The following CERS3 variants were observed in gnomAD, a reference collection of about 807,000 sequenced individuals.
The protein encoded by CERS3 is LAG1 homolog, ceramide synthase 3.
A neutral mutation model predicts 50.3 loss-of-function variants in CERS3; 33 were observed. That is an observed-to-expected ratio of 0.66 (90% CI 0.50 to 0.88). The LOEUF (loss-of-function observed/expected upper bound fraction) is 0.88, where lower values mean the gene tolerates loss of function less well. Ranked by LOEUF, CERS3 falls within the 40% of genes least tolerant of loss-of-function variation. The pLI is 0.00. For synonymous variants in CERS3, 176 were observed against 155.2 expected, an observed-to-expected ratio of 1.13 and a Z score of -0.99; for missense variants, 470 against 460.3, an observed-to-expected ratio of 1.02 and a Z score of -0.19.
At chr15:100,441,676 G>T (rs1176908118) in intron 11 of CERS3, among the ~76,000 whole-genome samples, 4 of 152,050 alleles carry the variant, frequency 2.6e-5, no homozygotes, top group Non-Finnish European at 5.9e-5. Flanking sequence ...ACTTGACAGT[G>T]GTTCCAAATA....
rs2036322469 is a variant in CERS3 at position 100,511,021 on chromosome 15, C to T, written c.-1-9171G>A. Reference sequence around the variant, plus strand: ...ATACCATTAAGGTCGGGCACGGTAACTCACGCCTCTAATCCCAGCACTTTG... The same window carrying T: ...ATACCATTAAGGTCGGGCACGGTAATTCACGCCTCTAATCCCAGCACTTTG... On this transcript the variant is annotated intron_variant, in intron 2 of 11. Coordinates refer to ENST00000679737, the MANE Select transcript of CERS3 (RefSeq NM_001378789.1). Among the ~76,000 whole-genome samples the T allele has an allele frequency of 2.0e-5, 3 of 152,314 alleles. No homozygotes were observed. In the South Asian group the frequency reaches 6.2e-4, roughly 32 times the overall value.
chr15:100,504,307 G>C (rs1349533234), intron 2 of CERS3, among the ~76,000 whole-genome samples: 2 of 144,206 alleles, frequency 1.4e-5, no homozygotes, highest in East Asian at 4.1e-4. Flanking sequence ...GCAATGGCGT[G>C]ATCTCGGCTC....
At chr15:100,403,877 C>T (rs1005119002) in intron 11 of CERS3, among the ~76,000 whole-genome samples, 1 of 141,008 alleles carries the variant, frequency 7.1e-6, no homozygotes, top group Non-Finnish European at 1.6e-5. Flanking sequence ...GGGAACAGGT[C>T]TCATTTTATT....
rs543876039 is a variant in CERS3 at position 100,499,904 on chromosome 15, G to C, written c.173+1773C>G. 5.9e-5 allele frequency among the ~76,000 whole-genome samples: 9 copies of C among 152,264 alleles called. No homozygotes were observed. The South Asian group carries it at 1.5e-3, about 25-fold the overall frequency. On this transcript the variant is annotated intron_variant, in intron 3 of 11. Coordinates refer to ENST00000679737, the MANE Select transcript of CERS3 (RefSeq NM_001378789.1). ...CCTGAGCTCATGGGTTCGAGTCCCAGATCCATCCCCTTACATGTTAACTGT... is the reference window on the plus strand; with the variant it reads ...CCTGAGCTCATGGGTTCGAGTCCCACATCCATCCCCTTACATGTTAACTGT...
chr15:100,455,660 TA>T (rs1341602580), intron 11 of CERS3, among the ~76,000 whole-genome samples: 1 of 152,154 alleles, frequency 6.6e-6, no homozygotes, highest in Non-Finnish European at 1.5e-5. Context: ...TTTGACATTT[TA>T]AAAATGTCAA....
At chr15:100,490,960 C>T (rs750902720) in intron 3 of CERS3, 29 bp from the exon 4 acceptor site, 2 of 1,337,636 alleles carry the variant, frequency 1.5e-6, no homozygotes, top group Non-Finnish European at 2.1e-6. Context: ...AAAAAAAGTT[C>T]AAAATCTAAG....
chr15:100,432,399 A>G (rs60234063), intron 11 of CERS3, among the ~76,000 whole-genome samples: 2,522 of 152,330 alleles, frequency 0.017, 79 homozygotes, highest in African/African-American at 0.057. Context: ...AACCACTCTC[A>G]GCACCAGACA....
intron 5 of CERS3, among the ~76,000 whole-genome samples, chr15:100,480,721 TAAA>T (rs1470615804): frequency 1.3e-5 from 2 of 152,180 alleles, no homozygotes; most frequent in Non-Finnish European, 2.9e-5. Context: ...TTTTATTAAA[TAAA>T]AAATCATAAG....
chr15:100,419,458 C>CT lies in CERS3; in HGVS notation c.1000-16594dup, dbSNP rs901761456. On this transcript the variant is annotated intron_variant, in intron 11 of 11. Transcript: ENST00000679737. ...AAGTCCTGAGTGACCTACAAAGAGACTTAGACTCCCACACATTAATAATGG... is the reference window on the plus strand; with the variant it reads ...AAGTCCTGAGTGACCTACAAAGAGACTTTAGACTCCCACACATTAATAATGG... Among the ~76,000 whole-genome samples, 8 of 139,914 alleles carry CT rather than the reference C, an allele frequency of 5.7e-5. No individual in the cohort carries two copies. In the East Asian group the frequency reaches 1.3e-3, roughly 22 times the overall value. The allele number at this position is 139,914 out of a possible 152,430, so 91.8% of individuals were successfully genotyped here.
chr15:100,440,699 C>T (rs532362549), intron 11 of CERS3, among the ~76,000 whole-genome samples: 51 of 152,358 alleles, frequency 3.3e-4, no homozygotes, highest in African/African-American at 1.1e-3. Context: ...GATCCACCTA[C>T]GACCTCAGGT....
chr15:100,503,823 G>A lies in CERS3; in HGVS notation c.-1-1973C>T, dbSNP rs138732127. 5.5e-4 allele frequency: 252 copies of A among 458,906 alleles called. 1 individual carries two copies. The highest frequency in any genetic ancestry group is 4.3e-3 in the African/African-American group (213 of 50,100). The allele number at this position is 458,906 out of a possible 1,614,324, so 28.4% of individuals were successfully genotyped here. A position where few individuals can be genotyped will look rare whatever the true frequency, so the allele number is the denominator to read the frequency against. ...GCAGAGAGAAGGTTTGGCCAGAGCAGTGGGGACCAGAGGGAATAACGCCAT... is the reference window on the plus strand; with the variant it reads ...GCAGAGAGAAGGTTTGGCCAGAGCAATGGGGACCAGAGGGAATAACGCCAT... On this transcript the variant is annotated intron_variant, in intron 2 of 11. Transcript: ENST00000679737.
intron 10 of CERS3, among the ~76,000 whole-genome samples, chr15:100,462,492 A>C (rs1266535475): frequency 2.0e-5 from 3 of 152,230 alleles, no homozygotes; most frequent in Non-Finnish European, 2.9e-5. Context: ...ACAGGTGAAC[A>C]ATTATCTACC....
rs778735589 is a variant in CERS3 at position 100,522,541 on chromosome 15, T to C, written c.-91-785A>G. Among the ~76,000 whole-genome samples, 38 of 152,382 alleles carry C rather than the reference T, an allele frequency of 2.5e-4. 1 individual carries two copies. The highest frequency in any genetic ancestry group is 1.0e-3 in the South Asian group (5 of 4,828). On this transcript the variant is annotated intron_variant, in intron 1 of 11. Transcript: ENST00000679737. Reference sequence around the variant, plus strand: ...CCGTGTTGCCTGTTCTTGAACTTTATGTAAATACGATTGTTTTGAGCACAT... The same window carrying C: ...CCGTGTTGCCTGTTCTTGAACTTTACGTAAATACGATTGTTTTGAGCACAT...
At chr15:100,509,607 G>A (rs1299755823) in intron 2 of CERS3, among the ~76,000 whole-genome samples, 3 of 152,172 alleles carry the variant, frequency 2.0e-5, no homozygotes, top group South Asian at 2.1e-4. Flanking sequence ...GTTCACATTC[G>A]CGATCTCTGA....
At chr15:100,449,949 C>A (rs1377870955) in intron 11 of CERS3, among the ~76,000 whole-genome samples, 1 of 151,814 alleles carries the variant, frequency 6.6e-6, no homozygotes, top group Non-Finnish European at 1.5e-5. Context: ...ATTAAAGAAC[C>A]TCAGTGAGAT....
chr15:100,432,827 C>A (rs962894203), intron 11 of CERS3, among the ~76,000 whole-genome samples: 7 of 152,148 alleles, frequency 4.6e-5, no homozygotes, highest in Non-Finnish European at 8.8e-5. Context: ...GGTGGTAGGG[C>A]TTGATGACTG....
chr15:100,443,764 A>G, intron 11 of CERS3, among the ~76,000 whole-genome samples: 1 of 151,602 alleles, frequency 6.6e-6, no homozygotes, highest in South Asian at 2.1e-4. Context: ...CCCTGCCGAT[A>G]GTGTCCGACT....
intron 5 of CERS3, among the ~76,000 whole-genome samples, chr15:100,480,882 C>A (rs967706484): frequency 6.6e-6 from 1 of 152,122 alleles, no homozygotes; most frequent in African/African-American, 2.4e-5. Flanking sequence ...ATAGAGAGGA[C>A]ATAGGATTGG....
chr15:100,498,649 C>G (rs150391646), intron 3 of CERS3, among the ~76,000 whole-genome samples: 25 of 152,292 alleles, frequency 1.6e-4, no homozygotes, highest in African/African-American at 4.1e-4. Flanking sequence ...GACGGCCCCC[C>G]CTTTGTCTAG....
Sources: allele counts gnomAD v4.1 joint callset (sites outside exome capture counted in the v4.1 genomes callset), GRCh38; gene constraint gnomAD v4.1.1; transcripts MANE v1.5; gene names NCBI Gene and HGNC (gene_info 2026-07-23, HGNC 2026-07-21).